The following GLYATL1 variants were observed in gnomAD, a reference collection of about 807,000 sequenced individuals.
GLYATL1 encodes glycine N-acyltransferase-like protein 1.
GLYATL1 carries 15 observed loss-of-function variants against 20.0 expected under a neutral mutation model. That is an observed-to-expected ratio of 0.75 (90% CI 0.50 to 1.15). GLYATL1 has a LOEUF of 1.15. GLYATL1 is among the 50% of genes most tolerant of loss of function. The pLI, the probability that GLYATL1 is intolerant of heterozygous loss-of-function variation, is 0.00. For missense variants in GLYATL1, 380 were observed against 368.5 expected (o/e 1.03, Z -0.26); for synonymous variants, 151 against 131.5 (o/e 1.15, Z -1.01).
intron 3 of GLYATL1, chr11:58,947,561 G>T: frequency 2.2e-6 from 1 of 455,658 alleles, no homozygotes; most frequent in Admixed American, 3.5e-5. Flanking sequence ...GCTTAAAGTT[G>T]CTATGGACAC....
At chr11:58,915,518 C>A (rs1318728947) in intron 1 of GLYATL1, among the ~76,000 whole-genome samples, 1 of 152,186 alleles carries the variant, frequency 6.6e-6, no homozygotes, top group African/African-American at 2.4e-5. Context: ...GCCTGGCCAG[C>A]TGCTCTTTGC....
intron 1 of GLYATL1, among the ~76,000 whole-genome samples, chr11:58,914,911 C>T (rs1415257020): frequency 1.3e-5 from 2 of 152,182 alleles, no homozygotes; most frequent in Admixed American, 6.5e-5. Flanking sequence ...AGAGTAATCT[C>T]ACTGTGGGAG....
intron 2 of GLYATL1, 70 bp downstream of exon 2, chr11:58,943,736 AT>A: frequency 6.3e-7 from 1 of 1,579,166 alleles, no homozygotes; most frequent in Non-Finnish European, 8.6e-7. Context: ...CTTGGAGCAA[AT>A]TTCTGATCCA....
chr11:58,953,390 GT>G (rs377318573), intron 4 of GLYATL1, among the ~76,000 whole-genome samples: 19,755 of 110,980 alleles, frequency 0.18, 1,029 homozygotes, highest in East Asian at 0.33. Flanking sequence ...CTTACAGTCT[GT>G]TTTTTTTTTT....
At chr11:58,910,912 C>G (rs534024634), downstream of GLYATL1, among the ~76,000 whole-genome samples, 55 of 152,290 alleles carry the variant, frequency 3.6e-4, no homozygotes, top group South Asian at 7.5e-3. Flanking sequence ...AGAAGCAAAG[C>G]AGTTTTATCA....
At chr11:58,931,461 C>A (rs901117652) in intron 1 of GLYATL1, among the ~76,000 whole-genome samples, 1 of 152,098 alleles carries the variant, frequency 6.6e-6, no homozygotes, top group South Asian at 2.1e-4. Flanking sequence ...GCAAACCTGG[C>A]AGTACAGATC....
chr11:58,922,020 G>A (rs59749145), intron 1 of GLYATL1, among the ~76,000 whole-genome samples: 3,429 of 152,274 alleles, frequency 0.023, 116 homozygotes, highest in African/African-American at 0.078. Context: ...CACATTGATT[G>A]CCTTTTTCCT....
At chr11:58,911,976 T>G (rs950002763), downstream of GLYATL1, among the ~76,000 whole-genome samples, 5 of 151,558 alleles carry the variant, frequency 3.3e-5, no homozygotes, top group Admixed American at 3.3e-4. Flanking sequence ...TTGATTTAAG[T>G]TTTTTTTTGT....
intron 5 of GLYATL1, 53 bp from the exon 6 acceptor site, chr11:58,955,123 G>A: frequency 1.3e-6 from 2 of 1,531,600 alleles, no homozygotes; most frequent in Non-Finnish European, 1.8e-6. Flanking sequence ...TGGGAGCAGT[G>A]TAAGTAGAGA....
intron 1 of GLYATL1, among the ~76,000 whole-genome samples, chr11:58,931,021 T>A (rs1855578715): frequency 6.6e-6 from 1 of 152,212 alleles, no homozygotes; most frequent in African/African-American, 2.4e-5. Context: ...AAGTTCAGAC[T>A]AGACAGACTA....
intron 4 of GLYATL1, among the ~76,000 whole-genome samples, chr11:58,952,882 G>T (rs1857094947): frequency 6.6e-6 from 1 of 152,162 alleles, no homozygotes; most frequent in African/African-American, 2.4e-5. Flanking sequence ...ATTTCTTACA[G>T]AAATTAAAAC....
At chr11:58,921,079 T>G (rs981661737) in intron 1 of GLYATL1, among the ~76,000 whole-genome samples, 5 of 152,210 alleles carry the variant, frequency 3.3e-5, no homozygotes, top group Non-Finnish European at 7.4e-5. Context: ...GGCCTTCTCC[T>G]AATTGGCCTC....
chr11:58,923,365 T>C (rs1192943405), upstream of GLYATL1, among the ~76,000 whole-genome samples: 1 of 152,172 alleles, frequency 6.6e-6, no homozygotes, highest in African/African-American at 2.4e-5. Context: ...AGCCAGATAG[T>C]CTGGGGTTTA....
chr11:58,940,699 A>G (rs975017916), intron 1 of GLYATL1, among the ~76,000 whole-genome samples: 2 of 152,214 alleles, frequency 1.3e-5, no homozygotes, highest in Non-Finnish European at 2.9e-5. Flanking sequence ...TGTTTCTGCT[A>G]GATATTTTGA....
intron 1 of GLYATL1, among the ~76,000 whole-genome samples, chr11:58,922,572 A>T (rs920066722): frequency 7.9e-5 from 12 of 152,064 alleles, no homozygotes; most frequent in African/African-American, 2.7e-4. Context: ...GAGACTGGGG[A>T]CATGTATCCA....
intron 1 of GLYATL1, among the ~76,000 whole-genome samples, chr11:58,914,748 G>A (rs1855131231): frequency 6.6e-6 from 1 of 152,198 alleles, no homozygotes; most frequent in Non-Finnish European, 1.5e-5. Context: ...CAGCCAGTGA[G>A]GATGGCACCA....
At chr11:58,943,343 A>C in intron 1 of GLYATL1, 200 bp from the exon 2 acceptor site, 2 of 1,550,386 alleles carry the variant, frequency 1.3e-6, no homozygotes, top group Non-Finnish European at 1.7e-6. Flanking sequence ...AGTTGTAACC[A>C]ATCTCTTTGT....
intron 4 of GLYATL1, among the ~76,000 whole-genome samples, chr11:58,950,305 A>T (rs887835867): frequency 1.3e-5 from 2 of 151,508 alleles, no homozygotes; most frequent in African/African-American, 2.4e-5. Context: ...AAAAAAAAAC[A>T]AAAAAATAAA....
At chr11:58,929,069 C>T (rs1011526372) in intron 1 of GLYATL1, among the ~76,000 whole-genome samples, 2 of 152,160 alleles carry the variant, frequency 1.3e-5, no homozygotes. Flanking sequence ...TGTGACTATT[C>T]CCTATAACTT....
Sources: allele counts gnomAD v4.1 joint callset (sites outside exome capture counted in the v4.1 genomes callset), GRCh38; gene constraint gnomAD v4.1.1; transcripts MANE v1.5; gene names NCBI Gene and HGNC (gene_info 2026-07-23, HGNC 2026-07-21).